PRKCE: variants seen among roughly 807,000 people sequenced by gnomAD.
PRKCE encodes protein kinase C epsilon type.
A neutral mutation model predicts 85.4 loss-of-function variants in PRKCE; 16 were observed. The observed-to-expected ratio is 0.19, with a 90% CI of 0.13 to 0.28. The LOEUF (loss-of-function observed/expected upper bound fraction) is 0.28, where lower values mean the gene tolerates loss of function less well. Among genes scored for constraint, PRKCE ranks in the 10% least tolerant of loss-of-function variants. PRKCE has a pLI of 1.00. For synonymous variants in PRKCE, 388 were observed against 371.5 expected (o/e 1.04, Z -0.51); for missense variants, 573 against 975.2 (o/e 0.59, Z 5.49).
intron 2 of PRKCE, among the ~76,000 whole-genome samples, chr2:45,890,694 C>G (rs2105874022): frequency 6.6e-6 from 1 of 152,250 alleles, no homozygotes; most frequent in Admixed American, 6.5e-5. Context: ...TCAAAACTTT[C>G]TAAACATCAT....
At chr2:45,692,085 T>G (rs757480560) in intron 1 of PRKCE, among the ~76,000 whole-genome samples, 3 of 152,236 alleles carry the variant, frequency 2.0e-5, no homozygotes, top group African/African-American at 4.8e-5. Context: ...TGGTTCATTT[T>G]TGTTCATGAA....
chr2:46,169,011 C>G (rs961025368), intron 14 of PRKCE, among the ~76,000 whole-genome samples: 1 of 152,198 alleles, frequency 6.6e-6, no homozygotes. Flanking sequence ...CAGACAGAGC[C>G]TCAACCCTCC....
At position 46,098,130 on chromosome 2, in the gene PRKCE, G is replaced by A. The variant is rs558760034; in HGVS notation, c.1592+11768G>A. On this transcript the variant is annotated intron_variant, in intron 11 of 14. Coordinates refer to ENST00000306156, the MANE Select transcript of PRKCE (RefSeq NM_005400.3). Reference sequence around the variant, plus strand: ...CAGAGCAAAAATTATGAGGGACCCCGTCATCTCTTATTTTTGTGTCTTTCA... The same window carrying A: ...CAGAGCAAAAATTATGAGGGACCCCATCATCTCTTATTTTTGTGTCTTTCA... Among the ~76,000 whole-genome samples, 10 of 152,276 alleles carry A rather than the reference G, an allele frequency of 6.6e-5. No individual in the cohort carries two copies. In the East Asian group the frequency reaches 9.6e-4, roughly 15 times the overall value.
chr2:45,939,405 C>G (rs1003353289), intron 2 of PRKCE, among the ~76,000 whole-genome samples: 1 of 152,246 alleles, frequency 6.6e-6, no homozygotes, highest in Admixed American at 6.5e-5. Context: ...CCGCATGTTG[C>G]TCTTTCATCA....
intron 2 of PRKCE, among the ~76,000 whole-genome samples, chr2:45,865,015 G>C (rs966344159): frequency 1.3e-5 from 2 of 152,198 alleles, no homozygotes; most frequent in Non-Finnish European, 2.9e-5. Context: ...ACCTCTGGTC[G>C]TAAGACCAAG....
At position 45,757,238 on chromosome 2, in the gene PRKCE, G is replaced by A. The variant is rs575383579; in HGVS notation, c.349-85762G>A. 3.3e-5 allele frequency among the ~76,000 whole-genome samples: 5 copies of A among 149,512 alleles called. No homozygotes were observed. In the East Asian group the frequency reaches 9.8e-4, roughly 29 times the overall value. On this transcript the variant is annotated intron_variant, in intron 1 of 14. Transcript: ENST00000306156. ...CAGGAGAATCACTTGAACCCAGGAG[G>A]CGGAGTTGCAGTGTGTTGAGATTGC...
At chr2:45,739,747 C>T (rs1179821512) in intron 1 of PRKCE, among the ~76,000 whole-genome samples, 4 of 152,044 alleles carry the variant, frequency 2.6e-5, no homozygotes, top group Non-Finnish European at 4.4e-5. Context: ...GAGGCATGAA[C>T]TGTTTAGATC....
intron 11 of PRKCE, among the ~76,000 whole-genome samples, chr2:46,144,017 A>G (rs1414753843): frequency 6.6e-6 from 1 of 152,180 alleles, no homozygotes; most frequent in African/African-American, 2.4e-5. Context: ...GCATCCCAGC[A>G]TGGCTGTTGC....
intron 1 of PRKCE, among the ~76,000 whole-genome samples, chr2:45,809,741 G>A (rs539084797): frequency 4.2e-4 from 64 of 151,472 alleles, no homozygotes; most frequent in Non-Finnish European, 7.1e-4. Flanking sequence ...TTAGCCAGGC[G>A]TGGTGGTGCA....
intron 1 of PRKCE, among the ~76,000 whole-genome samples, chr2:45,798,910 A>T (rs867036637): frequency 6.6e-6 from 1 of 152,034 alleles, no homozygotes; most frequent in African/African-American, 2.4e-5. Flanking sequence ...GCTCACGCCT[A>T]TAATCCCAGC....
In PRKCE at chr2:46,185,995, G is replaced by C. The variant is rs944336515; in HGVS notation, c.*1114G>C. 1.3e-5 allele frequency: 2 copies of C among 152,566 alleles called. No homozygotes were observed. Among genetic ancestry groups the C allele is most frequent in the Admixed American group, 1.3e-4 (2 of 15,282 alleles). 9.5% of individuals were successfully genotyped at this position (152,566 alleles called of 1,614,324 possible). A position where few individuals can be genotyped will look rare whatever the true frequency, so the allele number is the denominator to read the frequency against. ...TACGAAATATCTGCTTTTGGAATAA[G>C]CAGAATGAGGCTAAACATGGGTTAT... On this transcript the variant is annotated 3_prime_UTR_variant, in exon 15 of 15. Coordinates refer to ENST00000306156, the MANE Select transcript of PRKCE (RefSeq NM_005400.3). The surrounding 1 kb of genome is among the most constrained non-coding windows in gnomAD (Gnocchi z 4.7).
intron 8 of PRKCE, 47 bp from the exon 9 acceptor site, chr2:46,007,415 C>A (rs1462466225): frequency 7.0e-6 from 11 of 1,580,434 alleles, no homozygotes; most frequent in Non-Finnish European, 9.5e-6. Context: ...ATGTAACAGG[C>A]TTAAGAGGTA....
At chr2:46,102,239 C>T (rs1414883565) in intron 11 of PRKCE, among the ~76,000 whole-genome samples, 2 of 152,166 alleles carry the variant, frequency 1.3e-5, no homozygotes, top group East Asian at 3.8e-4. Flanking sequence ...CAGAGACTCT[C>T]TTATGAAGAT....
rs71394862 is a variant in PRKCE, at chr2:45,958,791, CATATATATATAT to C, written c.413-17623_413-17612del. Among the ~76,000 whole-genome samples the C allele has an allele frequency of 1.4e-3, 31 of 22,544 alleles. 2 individuals carry two copies. The South Asian group carries it at 0.044, about 32-fold the overall frequency. The allele number at this position is 22,544 out of a possible 152,430, so 14.8% of individuals were successfully genotyped here. A position where few individuals can be genotyped will look rare whatever the true frequency, so the allele number is the denominator to read the frequency against. ...TTTTCCCTTCCTCTGGCCTTTAAAA[CATATATATATAT>C]ATATATATATATATTTTTTTTTTTT... On this transcript the variant is annotated intron_variant, in intron 2 of 14. Transcript: ENST00000306156.
At chr2:45,836,161 T>C (rs1690859539) in intron 1 of PRKCE, among the ~76,000 whole-genome samples, 1 of 152,210 alleles carries the variant, frequency 6.6e-6, no homozygotes, top group Admixed American at 6.5e-5. Context: ...CTGTATTGAA[T>C]CCCTCCCATG....
intron 10 of PRKCE, among the ~76,000 whole-genome samples, chr2:46,025,050 T>C (rs974998701): frequency 6.6e-6 from 1 of 152,058 alleles, no homozygotes; most frequent in Non-Finnish European, 1.5e-5. Flanking sequence ...TAGGCTCCAC[T>C]GAAAGAAAGC....
At chr2:45,898,198 A>C (rs1318230805) in intron 2 of PRKCE, among the ~76,000 whole-genome samples, 1 of 152,178 alleles carries the variant, frequency 6.6e-6, no homozygotes, top group Admixed American at 6.6e-5. Flanking sequence ...CACCTTATTT[A>C]TTCATTAGAG....
In PRKCE at chr2:45,661,523, G is replaced by GTTTTTTTTTTTTT. The variant is rs367628974; in HGVS notation, c.348+9081_348+9082insTTTTTTTTTTTTT. Among the ~76,000 whole-genome samples the GTTTTTTTTTTTTT allele has an allele frequency of 1.7e-3, 165 of 96,622 alleles. 2 individuals carry two copies. The highest frequency in any genetic ancestry group is 2.3e-3 in the Non-Finnish European group (118 of 50,306). The allele number at this position is 96,622 out of a possible 152,430, so 63.4% of individuals were successfully genotyped here. Reference sequence around the variant, plus strand: ...TTTTTTTTGTTTTGTTTTGTTTTTTGTTTTTTGTTTTTTTTTTTTTTTTTA... The same window carrying GTTTTTTTTTTTTT: ...TTTTTTTTGTTTTGTTTTGTTTTTTGTTTTTTTTTTTTTTTTTTTGTTTTTTTTTTTTTTTTTA... On this transcript the variant is annotated intron_variant, in intron 1 of 14. Coordinates refer to ENST00000306156, the MANE Select transcript of PRKCE (RefSeq NM_005400.3).
At chr2:46,036,217 A>C (rs1445203894) in intron 10 of PRKCE, among the ~76,000 whole-genome samples, 1 of 152,148 alleles carries the variant, frequency 6.6e-6, no homozygotes, top group African/African-American at 2.4e-5. Context: ...GAGGGAGTTA[A>C]GGGGAAAGTG....
Sources: gnomAD v4.1 joint callset for allele counts (sites outside exome capture counted in the v4.1 genomes callset) on GRCh38, gnomAD v4.1.1 for gene constraint, Gnocchi (gnomAD v3.1) non-coding constraint, MANE v1.5 for transcripts, NCBI Gene and HGNC (gene_info 2026-07-23, HGNC 2026-07-21) for gene names.